Variants in MBD5 observed in about 807,000 individuals in gnomAD.
MBD5 encodes methyl-CpG binding domain protein 5, also known as methyl-CpG-binding domain protein 5.
MBD5 carries 13 observed loss-of-function variants against 117.3 expected under a neutral mutation model. That is an observed-to-expected ratio of 0.11 (90% CI 0.07 to 0.18). The LOEUF is 0.18. MBD5 is among the 10% of genes least tolerant of loss of function. The pLI is 1.00. For synonymous variants in MBD5, 727 were observed against 766.4 expected, an observed-to-expected ratio of 0.95 and a Z score of 0.85; for missense variants, 1,879 against 2,093.8, an observed-to-expected ratio of 0.90 and a Z score of 2.00.
At chr2:148,480,098 C>T (rs1026071915) in intron 8 of MBD5, among the ~76,000 whole-genome samples, 10 of 151,918 alleles carry the variant, frequency 6.6e-5, no homozygotes, top group Middle Eastern at 3.4e-3. Flanking sequence ...GCAGAGTACA[C>T]CTGTTTGTTG....
chr2:148,131,696 TAAA>T (rs1344245297), intron 1 of MBD5, among the ~76,000 whole-genome samples: 1 of 152,186 alleles, frequency 6.6e-6, no homozygotes, highest in Non-Finnish European at 1.5e-5. Flanking sequence ...ACCCTGTTTC[TAAA>T]ACAGACAAAA....
At chr2:148,367,915 G>T (rs1703748894) in intron 4 of MBD5, among the ~76,000 whole-genome samples, 1 of 152,156 alleles carries the variant, frequency 6.6e-6, no homozygotes, top group South Asian at 2.1e-4. Flanking sequence ...GGAAGACAGT[G>T]TGGCGATTCC....
At chr2:148,496,358 G>C (rs1380148313) in intron 11 of MBD5, among the ~76,000 whole-genome samples, 1 of 152,172 alleles carries the variant, frequency 6.6e-6, no homozygotes, top group Non-Finnish European at 1.5e-5. Context: ...GACCAAAAAT[G>C]TGAATATAAA....
intron 12 of MBD5, among the ~76,000 whole-genome samples, chr2:148,504,661 G>T (rs1472519160): frequency 3.3e-5 from 5 of 152,134 alleles, no homozygotes; most frequent in Non-Finnish European, 7.3e-5. Flanking sequence ...ATATTTTTGG[G>T]TCACAGGGAA....
At chr2:148,154,896 G>A (rs564030290) in intron 1 of MBD5, among the ~76,000 whole-genome samples, 3 of 152,282 alleles carry the variant, frequency 2.0e-5, no homozygotes, top group South Asian at 2.1e-4. Flanking sequence ...CATCTTCTGC[G>A]TCGCTCACGC....
At chr2:148,034,309 T>TA (rs1694125491) in intron 1 of MBD5, among the ~76,000 whole-genome samples, 1 of 152,246 alleles carries the variant, frequency 6.6e-6, no homozygotes, top group Non-Finnish European at 1.5e-5. Flanking sequence ...CAGGGATTGA[T>TA]ACGTTTCTTC....
At chr2:148,223,328 A>G (rs1029986205) in intron 2 of MBD5, among the ~76,000 whole-genome samples, 1 of 151,922 alleles carries the variant, frequency 6.6e-6, no homozygotes, top group Non-Finnish European at 1.5e-5. Context: ...GAGTAGTTTG[A>G]GTAGTATTGG....
chr2:148,286,000 A>G (rs1391054555), intron 3 of MBD5, among the ~76,000 whole-genome samples: 1 of 152,136 alleles, frequency 6.6e-6, no homozygotes, highest in Non-Finnish European at 1.5e-5. Flanking sequence ...ATAAGTTTTA[A>G]TAGCAGCAAA....
chr2:148,447,653 T>A (rs901546737), intron 4 of MBD5: 5 of 152,256 alleles, frequency 3.3e-5, no homozygotes, highest in African/African-American at 1.2e-4. Flanking sequence ...CCAAATCCTT[T>A]CTGGAGGAGC....
intron 3 of MBD5, among the ~76,000 whole-genome samples, chr2:148,329,698 G>C (rs1214614448): frequency 6.6e-6 from 1 of 152,120 alleles, no homozygotes; most frequent in Non-Finnish European, 1.5e-5. Flanking sequence ...GCTACTGTCA[G>C]AGGCATAACC....
intron 10 of MBD5, among the ~76,000 whole-genome samples, chr2:148,487,893 G>A (rs1240294802): frequency 6.6e-6 from 1 of 152,188 alleles, no homozygotes; most frequent in African/African-American, 2.4e-5. Flanking sequence ...TAACTTTGAA[G>A]AATGTAAGAG....
chr2:148,479,314 G>A (rs1426443341), intron 8 of MBD5, among the ~76,000 whole-genome samples: 1 of 152,092 alleles, frequency 6.6e-6, no homozygotes, highest in Non-Finnish European at 1.5e-5. Flanking sequence ...CTAATACACT[G>A]GAGAGTTCAT....
chr2:148,228,481 A>T (rs929579149), intron 2 of MBD5, among the ~76,000 whole-genome samples: 1 of 152,160 alleles, frequency 6.6e-6, no homozygotes, highest in Non-Finnish European at 1.5e-5. Flanking sequence ...ATGGTGGATA[A>T]GCTTTTTGAT....
intron 3 of MBD5, among the ~76,000 whole-genome samples, chr2:148,328,419 G>A (rs1041597839): frequency 6.6e-6 from 1 of 152,352 alleles, no homozygotes; most frequent in Non-Finnish European, 1.5e-5. Context: ...CCTGGGCAAT[G>A]GTGGGCGCCC....
intron 1 of MBD5, among the ~76,000 whole-genome samples, chr2:148,046,813 T>C (rs566689170): frequency 1.2e-3 from 182 of 152,350 alleles, no homozygotes; most frequent in Non-Finnish European, 2.2e-3. Context: ...AACATAAACC[T>C]GGTTATGTCA....
intron 4 of MBD5, among the ~76,000 whole-genome samples, chr2:148,406,521 A>G (rs1310850401): frequency 6.6e-6 from 1 of 152,190 alleles, no homozygotes; most frequent in African/African-American, 2.4e-5. Context: ...ATACCTTCCT[A>G]AAGTGCAAAT....
At chr2:148,127,485 A>G (rs1177667454) in intron 1 of MBD5, among the ~76,000 whole-genome samples, 3 of 152,072 alleles carry the variant, frequency 2.0e-5, no homozygotes, top group African/African-American at 7.2e-5. Flanking sequence ...AACATGTGGT[A>G]TTTGGTTTTC....
At chr2:148,061,302 T>C (rs1695028255) in intron 1 of MBD5, among the ~76,000 whole-genome samples, 2 of 152,076 alleles carry the variant, frequency 1.3e-5, no homozygotes, top group Non-Finnish European at 2.9e-5. Flanking sequence ...AGTGGCCATT[T>C]CTTTTTTTCT....
rs200236761 is a variant in MBD5, at chr2:148,502,482, A to G, written c.5009A>G (p.Tyr1670Cys). The G allele has an allele frequency of 1.2e-6, 2 of 1,614,230 alleles. No homozygotes were observed. The highest frequency in any genetic ancestry group is 4.5e-5 in the East Asian group (2 of 44,892). Reference sequence around the variant, plus strand: ...ACACTAACAGAAGGTTTGGAAGCCTACAGCCGTGTCCGGAAAAGGAACAGA... The same window carrying G: ...ACACTAACAGAAGGTTTGGAAGCCTGCAGCCGTGTCCGGAAAAGGAACAGA... ...LKTLTEGLEA[Y>C]SRVRKRNRKS... The change falls in exon 12 of 14, where the codon TAC becomes TGC. Residue 1670 changes from tyrosine to cysteine, a missense_variant. By Grantham distance (194) the Tyr-to-Cys change is radical (BLOSUM62 -2). Around this residue, in one of 4 missense-constraint regions of MBD5, gnomAD observed 135 missense variants for 148.0 expected, o/e 0.91. Transcript: ENST00000642680.
Sources: gnomAD v4.1 joint callset for allele counts (sites outside exome capture counted in the v4.1 genomes callset) on GRCh38, gnomAD v4.1.1 for gene constraint, gnomAD v4.1.1 regional missense constraint, MANE v1.5 for transcripts, NCBI Gene and HGNC (gene_info 2026-07-23, HGNC 2026-07-21) for gene names.